The following CNTNAP5 variants were observed in gnomAD, a reference collection of about 807,000 sequenced individuals.
CNTNAP5 encodes the protein contactin-associated protein-like 5.
CNTNAP5 carries 72 observed loss-of-function variants against 150.2 expected under a neutral mutation model. The observed-to-expected ratio is 0.48, with a 90% CI of 0.40 to 0.58. The LOEUF is 0.58. CNTNAP5 is among the 20% of genes least tolerant of loss of function. CNTNAP5 has a pLI of 0.00. For synonymous variants in CNTNAP5, 672 were observed against 619.8 expected (o/e 1.08, Z -1.25); for missense variants, 1,636 against 1,626.2 (o/e 1.01, Z -0.10).
At chr2:124,066,383 A>G (rs935686605) in intron 1 of CNTNAP5, among the ~76,000 whole-genome samples, 1 of 152,194 alleles carries the variant, frequency 6.6e-6, no homozygotes, top group Non-Finnish European at 1.5e-5. Flanking sequence ...ATTAGGATAT[A>G]CGTAGTTAAT....
At chr2:124,420,969 C>T (rs1692089045) in intron 4 of CNTNAP5, among the ~76,000 whole-genome samples, 1 of 152,196 alleles carries the variant, frequency 6.6e-6, no homozygotes, top group African/African-American at 2.4e-5. Flanking sequence ...ATTCAGTGGA[C>T]ACTTAATGTT....
chr2:124,376,139 T>A (rs560213556), intron 3 of CNTNAP5, among the ~76,000 whole-genome samples: 1 of 152,084 alleles, frequency 6.6e-6, no homozygotes. Flanking sequence ...TAAGCAATAA[T>A]TGCCTTTTGT....
At chr2:124,309,654 G>C (rs1688775454) in intron 3 of CNTNAP5, among the ~76,000 whole-genome samples, 1 of 152,178 alleles carries the variant, frequency 6.6e-6, no homozygotes, top group Non-Finnish European at 1.5e-5. Flanking sequence ...CTGAATCCCA[G>C]CTTCCCAATG....
chr2:124,610,773 A>T (rs1677362014), intron 12 of CNTNAP5, among the ~76,000 whole-genome samples: 1 of 152,130 alleles, frequency 6.6e-6, no homozygotes, highest in South Asian at 2.1e-4. Flanking sequence ...ATCCTGGCCA[A>T]CACGGTGAAA....
At chr2:124,561,087 T>C (rs1695881152) in intron 10 of CNTNAP5, among the ~76,000 whole-genome samples, 1 of 152,026 alleles carries the variant, frequency 6.6e-6, no homozygotes, top group East Asian at 1.9e-4. Context: ...TTTGCTCATA[T>C]GGAAATCTCT....
chr2:124,356,004 T>C lies in CNTNAP5; in HGVS notation c.382-61439T>C, dbSNP rs146422850. On this transcript the variant is annotated intron_variant, in intron 3 of 23. Transcript: ENST00000682447. ...CATATATTTTATAAATCTGTGAGTGTTAAGAGTAGGTAAGAAAAACAATGC... is the reference window on the plus strand; with the variant it reads ...CATATATTTTATAAATCTGTGAGTGCTAAGAGTAGGTAAGAAAAACAATGC... Among the ~76,000 whole-genome samples the C allele has an allele frequency of 3.3e-3, 508 of 152,278 alleles. 1 individual carries two copies. The highest frequency in any genetic ancestry group is 3.9e-3 in the Non-Finnish European group (262 of 68,014).
intron 1 of CNTNAP5, among the ~76,000 whole-genome samples, chr2:124,026,450 CATTTA>C (rs777542040): frequency 2.6e-4 from 39 of 152,180 alleles, no homozygotes; most frequent in Admixed American, 1.4e-3. Context: ...AAGTGTAGGA[CATTTA>C]ATTTAATAGG....
At chr2:124,414,192 A>G (rs1439161492) in intron 3 of CNTNAP5, among the ~76,000 whole-genome samples, 4 of 148,264 alleles carry the variant, frequency 2.7e-5, no homozygotes, top group African/African-American at 5.0e-5. Flanking sequence ...AACAACTGAG[A>G]TGGCTTTGAA....
chr2:124,786,379 GAAAGAAAGAAAGAAAGAAA>G (rs1681577154), intron 17 of CNTNAP5, among the ~76,000 whole-genome samples: 1 of 78,472 alleles, frequency 1.3e-5, no homozygotes, highest in African/African-American at 6.1e-5. Flanking sequence ...AAGAAAGAAA[GAAAGAAAGAAAGAAAGAAA>G]GAAGGAAGGA....
intron 3 of CNTNAP5, among the ~76,000 whole-genome samples, chr2:124,389,412 C>T (rs1269052560): frequency 6.6e-6 from 1 of 152,104 alleles, no homozygotes; most frequent in Non-Finnish European, 1.5e-5. Flanking sequence ...CATGTAGTTC[C>T]TGCTATAGCT....
At chr2:124,524,593 C>A (rs1694923103) in intron 9 of CNTNAP5, 141 bp downstream of exon 9, 1 of 754,218 alleles carries the variant, frequency 1.3e-6, no homozygotes, top group South Asian at 1.9e-5. Flanking sequence ...CACATACACA[C>A]ACACCCTCAA....
intron 3 of CNTNAP5, among the ~76,000 whole-genome samples, chr2:124,358,545 G>A (rs1690093462): frequency 6.6e-6 from 1 of 152,066 alleles, no homozygotes; most frequent in Non-Finnish European, 1.5e-5. Context: ...GGCTTTTTCT[G>A]CATCTATTGA....
intron 1 of CNTNAP5, among the ~76,000 whole-genome samples, chr2:124,043,244 C>G (rs972402918): frequency 6.6e-6 from 1 of 152,120 alleles, no homozygotes; most frequent in East Asian, 1.9e-4. Context: ...CTAAAACATT[C>G]CAGATAGTTG....
intron 3 of CNTNAP5, among the ~76,000 whole-genome samples, chr2:124,318,168 C>A (rs1573912721): frequency 6.6e-6 from 1 of 152,262 alleles, no homozygotes; most frequent in South Asian, 2.1e-4. Flanking sequence ...TATTGCTTGG[C>A]CCCAAAACTA....
chr2:124,832,345 A>G (rs905753199), intron 19 of CNTNAP5, among the ~76,000 whole-genome samples: 8 of 152,146 alleles, frequency 5.3e-5, no homozygotes, highest in Non-Finnish European at 4.4e-5. Context: ...CATACAGAAT[A>G]ATACACATAC....
At chr2:124,856,636 C>T (rs572199016) in intron 19 of CNTNAP5, among the ~76,000 whole-genome samples, 1 of 152,160 alleles carries the variant, frequency 6.6e-6, no homozygotes, top group African/African-American at 2.4e-5. Context: ...AGTTCCTGGT[C>T]CGTCATCCCC....
rs188836810 is a variant in CNTNAP5 at position 124,773,228 on chromosome 2, G to T, written c.2752+211G>T. ...ATAATGCTAACCTTTAGCAAATTTT[G>T]AGGTTGTCCAGATTCTGTACATTTT... On this transcript the variant is annotated intron_variant, in intron 17 of 23. Coordinates refer to ENST00000682447, the MANE Select transcript of CNTNAP5 (RefSeq NM_001367498.1). Among the ~76,000 whole-genome samples, 1,131 of 152,228 alleles carry T rather than the reference G, an allele frequency of 7.4e-3. 12 individuals carry two copies. The highest frequency in any genetic ancestry group is 0.013 in the Non-Finnish European group (871 of 68,016).
intron 13 of CNTNAP5, among the ~76,000 whole-genome samples, chr2:124,733,903 T>C (rs1474821241): frequency 6.6e-6 from 1 of 152,180 alleles, no homozygotes; most frequent in Non-Finnish European, 1.5e-5. Context: ...CAGGCTTTGC[T>C]GTCTTGATAG....
chr2:124,411,300 C>T (rs1300207722), intron 3 of CNTNAP5, among the ~76,000 whole-genome samples: 4 of 152,080 alleles, frequency 2.6e-5, no homozygotes, highest in African/African-American at 9.7e-5. Context: ...ATCAGAGGTA[C>T]AAGGAGGAAC....
Sources: allele counts gnomAD v4.1 joint callset (sites outside exome capture counted in the v4.1 genomes callset), GRCh38; gene constraint gnomAD v4.1.1; transcripts MANE v1.5; gene names NCBI Gene and HGNC (gene_info 2026-07-23, HGNC 2026-07-21).